SPPL3: variants seen among roughly 807,000 people sequenced by gnomAD.
SPPL3 encodes the protein signal peptide peptidase like 3, also known as signal peptide peptidase-like 3.
In SPPL3, 5 loss-of-function variants were observed where a neutral mutation model predicts 42.4. The ratio of observed to expected loss-of-function variants is 0.12; its 90% CI spans 0.06 to 0.25. The LOEUF (loss-of-function observed/expected upper bound fraction) is 0.25. SPPL3 is among the 10% of genes least tolerant of loss of function. SPPL3 has a pLI of 1.00. For missense variants in SPPL3, 235 were observed against 489.0 expected (o/e 0.48, Z 4.90); for synonymous variants, 195 against 181.8 (o/e 1.07, Z -0.58).
chr12:120,831,146 C>G (rs532196738), intron 1 of SPPL3, among the ~76,000 whole-genome samples: 49 of 152,208 alleles, frequency 3.2e-4, no homozygotes, highest in African/African-American at 1.1e-3. Flanking sequence ...GATTCCTGGA[C>G]CTTCAGACTC....
intron 1 of SPPL3, among the ~76,000 whole-genome samples, chr12:120,883,082 A>G (rs1873342981): frequency 1.3e-5 from 2 of 151,888 alleles, no homozygotes; most frequent in Non-Finnish European, 2.9e-5. Flanking sequence ...AGGCAGGCAG[A>G]TCACGAGGTC....
At chr12:120,849,594 G>A (rs1872157804) in intron 1 of SPPL3, among the ~76,000 whole-genome samples, 1 of 152,136 alleles carries the variant, frequency 6.6e-6, no homozygotes, top group Admixed American at 6.6e-5. Flanking sequence ...TATATACTCT[G>A]TACGAAGTGA....
intron 4 of SPPL3, 145 bp downstream of exon 4, chr12:120,784,329 G>A (rs1013081320): frequency 1.1e-5 from 8 of 719,820 alleles, no homozygotes; most frequent in Non-Finnish European, 1.7e-5. Flanking sequence ...GAAGGGTGGC[G>A]TGGTTGAGAC....
rs967571963 is a variant in SPPL3 at position 120,764,302 on chromosome 12, A to G, written c.*697T>C. 4.7e-5 allele frequency: 7 copies of G among 148,536 alleles called. No individual in the cohort carries two copies. Among genetic ancestry groups the G allele is most frequent in the African/African-American group, 1.8e-4 (7 of 38,312 alleles). The allele number at this position is 148,536 out of a possible 1,614,324, so 9.2% of individuals were successfully genotyped here. A position where few individuals can be genotyped will look rare whatever the true frequency, so the allele number is the denominator to read the frequency against. ...GGATTTCATTTTTGTTTATTCATAT[A>G]TATCTATGTGTGTGTTTATATATAT... is the stretch of plus-strand genomic sequence containing the variant. On this transcript the variant is annotated 3_prime_UTR_variant, in exon 11 of 11. Coordinates refer to ENST00000353487, the MANE Select transcript of SPPL3 (RefSeq NM_139015.5).
chr12:120,841,482 T>C (rs1426359018), intron 1 of SPPL3, among the ~76,000 whole-genome samples: 1 of 152,044 alleles, frequency 6.6e-6, no homozygotes, highest in Non-Finnish European at 1.5e-5. Flanking sequence ...CTCAACTCAG[T>C]TTTTCATTAT....
intron 1 of SPPL3, among the ~76,000 whole-genome samples, chr12:120,862,781 G>A (rs972865888): frequency 6.6e-6 from 1 of 152,000 alleles, no homozygotes; most frequent in Non-Finnish European, 1.5e-5. Flanking sequence ...TCCTGGCTGG[G>A]CTCAATCTCC....
intron 2 of SPPL3, among the ~76,000 whole-genome samples, chr12:120,794,628 C>T (rs1207042810): frequency 6.6e-6 from 1 of 152,072 alleles, no homozygotes; most frequent in Non-Finnish European, 1.5e-5. Context: ...GAACTCCTGA[C>T]CTCATGATCC....
chr12:120,877,391 T>C (rs581197), intron 1 of SPPL3, among the ~76,000 whole-genome samples: 137,200 of 152,178 alleles, frequency 0.9, 62,708 homozygotes, highest in East Asian at 1. Context: ...ATACCAAAAC[T>C]AAAGACCTAA....
Position 120,767,433 on chromosome 12 carries a change from C to A in SPPL3, c.934G>T (p.Val312Phe). Residue 312 changes from valine to phenylalanine, a missense_variant, in exon 9 of 11, where the codon GTC becomes TTC. By Grantham distance (50) the Val-to-Phe change is conservative. Coordinates refer to ENST00000353487, the MANE Select transcript of SPPL3 (RefSeq NM_139015.5). ...PANISGRMQK[V>F]SYFHCTLIGY... ...ATGAGGGTGCAGTGAAAGTAGGAGACCTTCTGCATGCGCCCGGAGATGTTG... is the reference window on the plus strand; with the variant it reads ...ATGAGGGTGCAGTGAAAGTAGGAGAACTTCTGCATGCGCCCGGAGATGTTG... 1 of 1,613,800 alleles carries A rather than the reference C, an allele frequency of 6.2e-7. No homozygotes were observed. The highest frequency in any genetic ancestry group is 8.5e-7 in the Non-Finnish European group (1 of 1,180,028).
At chr12:120,901,444 AG>A (rs1566074284) in intron 1 of SPPL3, among the ~76,000 whole-genome samples, 1 of 151,874 alleles carries the variant, frequency 6.6e-6, no homozygotes, top group East Asian at 1.9e-4. Flanking sequence ...TACAAAAAAA[AG>A]CCGGGCATGG....
At chr12:120,877,792 AAG>A (rs1328348169) in intron 1 of SPPL3, among the ~76,000 whole-genome samples, 5 of 133,592 alleles carry the variant, frequency 3.7e-5, no homozygotes, top group South Asian at 2.3e-4. Context: ...AAAAAAAAAA[AAG>A]AAAGAAAGAA....
intron 1 of SPPL3, chr12:120,901,772 G>T: frequency 2.2e-6 from 1 of 463,680 alleles, no homozygotes; most frequent in Non-Finnish European, 2.8e-6. Flanking sequence ...GACATTGAAG[G>T]AAGTATTTTA....
At position 120,873,836 on chromosome 12, in the gene SPPL3, C is replaced by A. The variant is rs575490266; in HGVS notation, c.23+30009G>T. Among the ~76,000 whole-genome samples, 3 of 152,090 alleles carry A rather than the reference C, an allele frequency of 2.0e-5. No homozygotes were observed. The East Asian group carries it at 5.8e-4, about 29-fold the overall frequency. ...GCAGTGAGCCAAGATCATGCCACTG[C>A]ACTCCAGCCTGGGCAACACAGCTAG... is the stretch of plus-strand genomic sequence containing the variant. On this transcript the variant is annotated intron_variant, in intron 1 of 10. Coordinates refer to ENST00000353487, the MANE Select transcript of SPPL3 (RefSeq NM_139015.5).
chr12:120,797,577 C>CAAGTGGCTCTAGGTAGTTCTTTT (rs1196448963), intron 2 of SPPL3, among the ~76,000 whole-genome samples: 1 of 152,086 alleles, frequency 6.6e-6, no homozygotes, highest in East Asian at 1.9e-4. Context: ...GCTGGAAGTA[C>CAAGTGGCTCTAGGTAGTTCTTTT]AAGTGGCTCT....
At chr12:120,807,125 A>G (rs1870524778) in intron 2 of SPPL3, among the ~76,000 whole-genome samples, 1 of 152,184 alleles carries the variant, frequency 6.6e-6, no homozygotes, top group Non-Finnish European at 1.5e-5. Context: ...TTCACCAAAG[A>G]AGATAAACGG....
In SPPL3 at chr12:120,831,644, G is replaced by A. The variant is rs1871429070; in HGVS notation, c.24-20758C>T. Among the ~76,000 whole-genome samples, 4 of 152,164 alleles carry A rather than the reference G, an allele frequency of 2.6e-5. No individual in the cohort carries two copies. The South Asian group carries it at 8.3e-4, about 32-fold the overall frequency. ...GTGGAGTTTATCATTTCCACTAATAGGTGTGTGCTTAATAAAAACAAAACA... is the reference window on the plus strand; with the variant it reads ...GTGGAGTTTATCATTTCCACTAATAAGTGTGTGCTTAATAAAAACAAAACA... On this transcript the variant is annotated intron_variant, in intron 1 of 10. Transcript: ENST00000353487.
intron 6 of SPPL3, among the ~76,000 whole-genome samples, chr12:120,781,482 T>C (rs1869536433): frequency 6.6e-6 from 1 of 150,764 alleles, no homozygotes; most frequent in African/African-American, 2.4e-5. Flanking sequence ...TTATATTACA[T>C]ATACTACATA....
At chr12:120,771,333 C>A (rs915968386) in intron 6 of SPPL3, among the ~76,000 whole-genome samples, 3 of 152,196 alleles carry the variant, frequency 2.0e-5, no homozygotes, top group Admixed American at 1.3e-4. Flanking sequence ...CCCATGCCGC[C>A]GCTTCGGCCA....
intron 1 of SPPL3, among the ~76,000 whole-genome samples, chr12:120,856,545 C>T (rs558313790): frequency 5.7e-5 from 8 of 140,818 alleles, no homozygotes; most frequent in East Asian, 4.0e-4. Flanking sequence ...AGCGAGACTC[C>T]GTCTCAAAAA....
Sources: gnomAD v4.1 joint callset for allele counts (sites outside exome capture counted in the v4.1 genomes callset) on GRCh38, gnomAD v4.1.1 for gene constraint, MANE v1.5 for transcripts, NCBI Gene and HGNC (gene_info 2026-07-23, HGNC 2026-07-21) for gene names.